The following LONP1 variants were observed in gnomAD, a reference collection of about 807,000 sequenced individuals.
LONP1 encodes lon peptidase 1, mitochondrial.
In LONP1, 31 loss-of-function variants were observed where a neutral mutation model predicts 98.5. That is an observed-to-expected ratio of 0.31 (90% confidence interval 0.24 to 0.42). LONP1 has a LOEUF of 0.42. Ranked by LOEUF, LONP1 falls within the 20% of genes least tolerant of loss-of-function variation. LONP1 has a pLI of 1.00. For synonymous variants in LONP1, 781 were observed against 594.7 expected (o/e 1.31, Z -4.56); for missense variants, 1,336 against 1,350.6 (o/e 0.99, Z 0.17).
At chr19:5,711,022 G>A (rs2055228266) in intron 4 of LONP1, among the ~76,000 whole-genome samples, 1 of 150,774 alleles carries the variant, frequency 6.6e-6, no homozygotes, top group East Asian at 1.9e-4. Flanking sequence ...GCCAGACTCT[G>A]TCTCAAAAAA....
intron 4 of LONP1, 118 bp from the exon 5 acceptor site, chr19:5,708,521 C>T: frequency 2.6e-6 from 2 of 778,106 alleles, no homozygotes; most frequent in Non-Finnish European, 4.2e-6. Context: ...CTCCCCTCCG[C>T]CAACTGGCCC....
chr19:5,704,334 A>G (rs909676102), intron 8 of LONP1, among the ~76,000 whole-genome samples: 1 of 152,160 alleles, frequency 6.6e-6, no homozygotes, highest in Non-Finnish European at 1.5e-5. Context: ...GCACCGTCGG[A>G]GCAGCCATGG....
intron 8 of LONP1, among the ~76,000 whole-genome samples, chr19:5,703,434 A>G (rs967949237): frequency 6.6e-6 from 1 of 151,750 alleles, no homozygotes; most frequent in Admixed American, 6.6e-5. Flanking sequence ...TGGGAGGGCA[A>G]CTCCATATTG....
chr19:5,696,636 G>A lies in LONP1; in HGVS notation c.1773+34C>T, dbSNP rs201834225. On this transcript the variant is annotated intron_variant, in intron 11 of 17. Transcript: ENST00000360614. ...GCTTCATCTTGCACACGGCATTGCC[G>A]GGTTAGGGGGTCTCCGGGCCTCTCC... 1.0e-4 allele frequency: 166 copies of A among 1,589,530 alleles called. No individual in the cohort carries two copies. In the African/African-American group the frequency reaches 1.8e-3, roughly 17 times the overall value.
rs142068825 is a variant in LONP1, at chr19:5,692,076, C to T, written c.2836G>A (p.Ala946Thr). The change falls in exon 18 of 18, where the codon GCC becomes ACC. Residue 946 changes from alanine (A) to threonine (T), a missense_variant. Ala to Thr is a moderately conservative substitution (Grantham distance 58). Around this residue, in one of 5 missense-constraint regions of LONP1, gnomAD observed 555 missense variants for 542.6 expected, o/e 1.02. Transcript: ENST00000360614. ...VEHYREIFDI[A>T]FPDEQAEALA... ...GCCTCTGCCTGCTCGTCCGGGAAGG[C>T]GATGTCGAAGATCTCCCGGTAGTGT... The T allele has an allele frequency of 4.3e-4, 693 of 1,613,974 alleles. 2 individuals carry two copies. The highest frequency in any genetic ancestry group is 5.2e-4 in the Non-Finnish European group (614 of 1,179,910).
chr19:5,719,754 T>C lies in LONP1; in HGVS notation c.379A>G (p.Ile127Val), dbSNP rs1050483584. Residue 127 changes from isoleucine (I) to valine (V), a missense_variant, in exon 1 of 18, where the codon ATC becomes GTC. Around this residue, in one of 5 missense-constraint regions of LONP1, gnomAD observed 457 missense variants for 403.1 expected, o/e 1.13. Coordinates refer to ENST00000360614, the MANE Select transcript of LONP1 (RefSeq NM_004793.4). ...AACACCGGGTTGCGGGTGATGGCGATGAGCGGCAGGTGCGGAAACACATCG... is the reference window on the plus strand; with the variant it reads ...AACACCGGGTTGCGGGTGATGGCGACGAGCGGCAGGTGCGGAAACACATCG... ...IPDVFPHLPL[I>V]AITRNPVFPR... The C allele has an allele frequency of 1.1e-5, 17 of 1,613,690 alleles. No homozygotes were observed. The highest frequency in any genetic ancestry group is 3.3e-5 in the Admixed American group (2 of 60,012).
Position 5,711,960 on chromosome 19 carries a change from C to G in LONP1, c.681G>C (p.Pro227=). ...GGGGCTTGTGCTTGTTCTCCGCCTCCGGCTCCTCGGGCTCCACCTCCAGCT... is the reference window on the plus strand; with the variant it reads ...GGGGCTTGTGCTTGTTCTCCGCCTCGGGCTCCTCGGGCTCCACCTCCAGCT... The part of the protein sequence containing the change: ...SRQLEVEPEE[P]EAENKHKPRR... The change falls in exon 4 of 18, where the codon CCG becomes CCC. Residue 227 remains proline (P), a synonymous_variant. Coordinates refer to ENST00000360614, the MANE Select transcript of LONP1 (RefSeq NM_004793.4). 5 of 1,613,330 alleles carry G rather than the reference C, an allele frequency of 3.1e-6. No individual in the cohort carries two copies. Among genetic ancestry groups the G allele is most frequent in the Non-Finnish European group, 4.2e-6 (5 of 1,179,966 alleles).
At chr19:5,697,230 G>C (rs1013938198) in intron 10 of LONP1, among the ~76,000 whole-genome samples, 2 of 152,136 alleles carry the variant, frequency 1.3e-5, no homozygotes, top group South Asian at 4.1e-4. Context: ...ACGAGAGACA[G>C]TGAGGAAGGC....
intron 1 of LONP1, among the ~76,000 whole-genome samples, chr19:5,716,217 TG>T (rs2055315129): frequency 6.9e-6 from 1 of 144,004 alleles, no homozygotes; most frequent in African/African-American, 2.6e-5. Flanking sequence ...ATTTTCTTTT[TG>T]AAGTTTTTAA....
intron 4 of LONP1, 99 bp from the exon 5 acceptor site, chr19:5,708,502 A>G (rs1213123130): frequency 9.9e-6 from 9 of 905,120 alleles, no homozygotes; most frequent in South Asian, 1.4e-5. Context: ...CACCAGCTCC[A>G]TCAACTCCCT....
chr19:5,710,647 G>C (rs1398574817), intron 4 of LONP1, among the ~76,000 whole-genome samples: 1 of 152,062 alleles, frequency 6.6e-6, no homozygotes. Flanking sequence ...AAAAGTGTTG[G>C]GATGACAGGC....
chr19:5,719,867 C>T lies in LONP1; in HGVS notation c.266G>A (p.Gly89Asp), dbSNP rs1343840154. Residue 89 changes from glycine to aspartate, a missense_variant, in exon 1 of 18, where the codon GGC becomes GAC. Physicochemically the swap from Gly to Asp is moderately conservative, Grantham distance 94 (BLOSUM62 -1). Transcript: ENST00000360614. ...CGCGCCGCCGGCTCCTTCCTCCGCG[C>T]CGCCCTCGGAGGCGTCCTCGCCCCC... is the stretch of plus-strand genomic sequence containing the variant. ...FSGGEDASEGGAEEGAGGAGG... is the reference protein window; with the variant it reads ...FSGGEDASEGDAEEGAGGAGG... 2.5e-6 allele frequency: 4 copies of T among 1,595,062 alleles called. No homozygotes were observed. Among genetic ancestry groups the T allele is most frequent in the South Asian group, 1.1e-5 (1 of 89,708 alleles).
chr19:5,706,024 G>C, intron 7 of LONP1, 32 bp from the exon 8 acceptor site: 1 of 1,525,594 alleles, frequency 6.6e-7, no homozygotes, highest in Middle Eastern at 1.7e-4. Flanking sequence ...TCAGGCCCTG[G>C]CTCCGGGAAG....
Position 5,703,460 on chromosome 19 carries a change from G to A in LONP1, c.1367+2312C>T, listed in dbSNP as rs144159917. 1.1e-4 allele frequency among the ~76,000 whole-genome samples: 16 copies of A among 152,228 alleles called. No individual in the cohort carries two copies. The East Asian group carries it at 3.1e-3, about 29-fold the overall frequency. On this transcript the variant is annotated intron_variant, in intron 8 of 17. Transcript: ENST00000360614. ...CTCCATATTGGTCCCCAAGTTGGGA[G>A]CCGTGCAGCAGTGAGCAGCGGCCAC...
chr19:5,692,511 G>A (rs1177655738), intron 17 of LONP1, among the ~76,000 whole-genome samples: 4 of 152,104 alleles, frequency 2.6e-5, no homozygotes, highest in Admixed American at 1.3e-4. Flanking sequence ...ACACACCCAC[G>A]GCCTCACATC....
chr19:5,703,559 C>T (rs938998238), intron 8 of LONP1, among the ~76,000 whole-genome samples: 8 of 151,812 alleles, frequency 5.3e-5, no homozygotes, highest in Admixed American at 1.3e-4. Flanking sequence ...AAGAGGAGGA[C>T]GGCTTCCGAG....
intron 8 of LONP1, among the ~76,000 whole-genome samples, chr19:5,701,989 A>G (rs1390862885): frequency 6.8e-6 from 1 of 147,342 alleles, no homozygotes; most frequent in Non-Finnish European, 1.5e-5. Context: ...AGCCCTGAGA[A>G]GTGAGGAGAC....
intron 4 of LONP1, among the ~76,000 whole-genome samples, chr19:5,709,907 CAAAAAAAAA>C (rs755774542): frequency 1.2e-3 from 46 of 38,670 alleles, no homozygotes; most frequent in African/African-American, 7.2e-4. Context: ...GGCTCCATCT[CAAAAAAAAA>C]AAAAAAAAAA....
chr19:5,710,082 A>ATTT (rs35535433), intron 4 of LONP1, among the ~76,000 whole-genome samples: 177 of 137,552 alleles, frequency 1.3e-3, no homozygotes, highest in African/African-American at 4.5e-3. Flanking sequence ...GGCTGTCTGA[A>ATTT]TTTTTTTTTT....
Sources: allele counts gnomAD v4.1 joint callset (sites outside exome capture counted in the v4.1 genomes callset), GRCh38; gene constraint gnomAD v4.1.1; regional missense constraint gnomAD v4.1.1; transcripts MANE v1.5; gene names NCBI Gene and HGNC (gene_info 2026-07-23, HGNC 2026-07-21).